The following EPHA6 variants were observed in gnomAD, a reference collection of about 807,000 sequenced individuals.
EPHA6 encodes ephrin type-A receptor 6.
In EPHA6, 50 loss-of-function variants were observed where a neutral mutation model predicts 112.0. That is an observed-to-expected ratio of 0.45 (90% CI 0.36 to 0.56). EPHA6 has a LOEUF of 0.56. EPHA6 is among the 20% of genes least tolerant of loss of function. The pLI is 0.00. For missense variants in EPHA6, 1,280 were observed against 1,417.4 expected, an observed-to-expected ratio of 0.90 and a Z score of 1.56; for synonymous variants, 529 against 490.7, an observed-to-expected ratio of 1.08 and a Z score of -1.03.
chr3:97,116,190 T>C (rs544398423), intron 3 of EPHA6, among the ~76,000 whole-genome samples: 1 of 151,872 alleles, frequency 6.6e-6, no homozygotes, highest in South Asian at 2.1e-4. Context: ...TAGAGTATCG[T>C]GATCTTTGTT....
intron 14 of EPHA6, among the ~76,000 whole-genome samples, chr3:97,717,310 A>G (rs962194909): frequency 6.6e-6 from 1 of 151,938 alleles, no homozygotes; most frequent in Non-Finnish European, 1.5e-5. Context: ...AATGTTGTTC[A>G]TTTTAACAAA....
At chr3:97,592,101 A>G (rs2107346008) in intron 11 of EPHA6, among the ~76,000 whole-genome samples, 1 of 152,348 alleles carries the variant, frequency 6.6e-6, no homozygotes. Context: ...ATAATTGTGT[A>G]CATCAATTTT....
At chr3:96,819,323 G>C (rs1276354086) in intron 1 of EPHA6, among the ~76,000 whole-genome samples, 3 of 151,896 alleles carry the variant, frequency 2.0e-5, no homozygotes, top group Non-Finnish European at 4.4e-5. Flanking sequence ...AGAGTAGAAA[G>C]CCTTTTGCTT....
intron 5 of EPHA6, among the ~76,000 whole-genome samples, chr3:97,335,836 T>C (rs567087957): frequency 6.6e-6 from 1 of 152,216 alleles, no homozygotes; most frequent in South Asian, 2.1e-4. Context: ...ATTGGAGTTT[T>C]AAGGATAATT....
chr3:96,816,051 T>TA lies in EPHA6; in HGVS notation c.385+1048dup, dbSNP rs2032755244. On this transcript the variant is annotated intron_variant, in intron 1 of 17. Coordinates refer to ENST00000389672, the MANE Select transcript of EPHA6 (RefSeq NM_001080448.3). ...AGAGTCTCGAAGTAATTTGCAGGTA[T>TA]AAAAATGGAGGTCAGATGGCTTGAA... Among the ~76,000 whole-genome samples the TA allele has an allele frequency of 2.0e-5, 3 of 152,266 alleles. No homozygotes were observed. In the South Asian group the frequency reaches 6.2e-4, roughly 32 times the overall value.
intron 11 of EPHA6, among the ~76,000 whole-genome samples, chr3:97,581,676 G>A (rs1413740223): frequency 9.9e-5 from 15 of 152,188 alleles, no homozygotes; most frequent in Admixed American, 6.5e-4. Flanking sequence ...ACTGAGGCTC[G>A]GGGAGTTTAA....
chr3:97,246,812 G>T (rs2078999904), intron 5 of EPHA6, among the ~76,000 whole-genome samples: 1 of 151,784 alleles, frequency 6.6e-6, no homozygotes, highest in Non-Finnish European at 1.5e-5. Context: ...CCCTCTTCTT[G>T]TGCTTGAAAT....
chr3:96,925,086 G>A (rs956220289), intron 2 of EPHA6, among the ~76,000 whole-genome samples: 1 of 152,110 alleles, frequency 6.6e-6, no homozygotes, highest in African/African-American at 2.4e-5. Context: ...CAAGGATATT[G>A]GCCTGAAGTT....
intron 14 of EPHA6, among the ~76,000 whole-genome samples, chr3:97,708,139 G>T (rs1018635945): frequency 1.3e-5 from 2 of 152,220 alleles, no homozygotes; most frequent in Admixed American, 6.5e-5. Flanking sequence ...GAGACAGAAA[G>T]ATGTGGGAAA....
intron 1 of EPHA6, among the ~76,000 whole-genome samples, chr3:96,832,448 C>G (rs2034145672): frequency 6.6e-6 from 1 of 152,054 alleles, no homozygotes; most frequent in Non-Finnish European, 1.5e-5. Context: ...AACTCTTATT[C>G]TGCAGTATAG....
At chr3:97,720,488 C>A in intron 15 of EPHA6, 78 bp downstream of exon 15, 1 of 1,342,348 alleles carries the variant, frequency 7.4e-7, no homozygotes, top group Non-Finnish European at 1.0e-6. Flanking sequence ...GCCTTTTGTC[C>A]TCACTCAGAT....
intron 5 of EPHA6, among the ~76,000 whole-genome samples, chr3:97,349,693 A>G (rs1235678859): frequency 1.3e-5 from 2 of 151,998 alleles, no homozygotes; most frequent in African/African-American, 4.8e-5. Context: ...TTCAGCAGCA[A>G]TGTGCCTGGA....
chr3:97,679,418 C>T (rs2031676650), intron 14 of EPHA6, among the ~76,000 whole-genome samples: 1 of 152,106 alleles, frequency 6.6e-6, no homozygotes, highest in Non-Finnish European at 1.5e-5. Context: ...TGATAAATCT[C>T]TATTTATAAT....
At chr3:96,998,620 AT>A (rs2043511935) in intron 3 of EPHA6, among the ~76,000 whole-genome samples, 1 of 151,930 alleles carries the variant, frequency 6.6e-6, no homozygotes, top group Non-Finnish European at 1.5e-5. Context: ...TCTGCCGACA[AT>A]TTAATTGTCA....
chr3:96,836,987 C>T (rs757594237), intron 1 of EPHA6, among the ~76,000 whole-genome samples: 1 of 152,136 alleles, frequency 6.6e-6, no homozygotes. Flanking sequence ...AAGTAACTTA[C>T]CCGAAAACAC....
chr3:97,742,704 G>A (rs1175677284), intron 16 of EPHA6, among the ~76,000 whole-genome samples: 1 of 152,058 alleles, frequency 6.6e-6, no homozygotes, highest in African/African-American at 2.4e-5. Context: ...CTACGCATTT[G>A]AGGTTTCATA....
Position 97,193,971 on chromosome 3 carries a change from G to T in EPHA6, c.1115-32293G>T, listed in dbSNP as rs1341312029. Among the ~76,000 whole-genome samples the T allele has an allele frequency of 3.9e-5, 6 of 151,946 alleles. No individual in the cohort carries two copies. The East Asian group carries it at 7.7e-4, about 20-fold the overall frequency. ...GATTTCAAAATATTGGACCATCCTT[G>T]CATCCTGGGATAAATCCCACTTGAT... On this transcript the variant is annotated intron_variant, in intron 3 of 17. Transcript: ENST00000389672.
chr3:97,038,308 TC>T (rs139211408), intron 3 of EPHA6, among the ~76,000 whole-genome samples: 2,767 of 151,304 alleles, frequency 0.018, 71 homozygotes, highest in African/African-American at 0.052. Context: ...CTTCATCCTT[TC>T]CCCCCCCATG....
chr3:97,151,513 GTTTC>G (rs1180015588), intron 3 of EPHA6, among the ~76,000 whole-genome samples: 14 of 152,094 alleles, frequency 9.2e-5, no homozygotes, highest in East Asian at 1.9e-4. Flanking sequence ...AATTGATAGA[GTTTC>G]TTTCTTCCTT....
Sources: allele counts gnomAD v4.1 joint callset (sites outside exome capture counted in the v4.1 genomes callset), GRCh38; gene constraint gnomAD v4.1.1; transcripts MANE v1.5; gene names NCBI Gene and HGNC (gene_info 2026-07-23, HGNC 2026-07-21).